The following IMMP2L variants were observed in gnomAD, a reference collection of about 807,000 sequenced individuals.
IMMP2L encodes mitochondrial inner membrane protease subunit 2.
Under a neutral mutation model 19.3 loss-of-function variants are expected in IMMP2L, and 18 were observed. That is an observed-to-expected ratio of 0.93 (90% CI 0.64 to 1.38). IMMP2L has a LOEUF of 1.38. IMMP2L is among the 40% of genes most tolerant of loss of function. The pLI is 0.00. For synonymous variants in IMMP2L, 76 were observed against 73.0 expected (o/e 1.04, Z -0.21); for missense variants, 233 against 218.2 (o/e 1.07, Z -0.43).
chr7:111,322,413 T>C lies in IMMP2L; in HGVS notation c.239+164825A>G, dbSNP rs574258763. Among the ~76,000 whole-genome samples the C allele has an allele frequency of 2.4e-4, 36 of 151,970 alleles. 1 individual carries two copies. In the South Asian group the frequency reaches 7.3e-3, roughly 31 times the overall value. On this transcript the variant is annotated intron_variant, in intron 3 of 5. Coordinates refer to ENST00000405709, the MANE Select transcript of IMMP2L (RefSeq NM_032549.4). ...CACAAGCATAATATCAGCATAATAT[T>C]ATACTGAATTGTACAGACAGAACCA...
chr7:110,668,068 TA>T lies in IMMP2L; in HGVS notation c.409-4348del. Among the ~76,000 whole-genome samples the T allele has an allele frequency of 3.9e-5, 6 of 152,294 alleles. No individual in the cohort carries two copies. In the South Asian group the frequency reaches 1.2e-3, roughly 32 times the overall value. On this transcript the variant is annotated intron_variant, in intron 5 of 5. Coordinates refer to ENST00000405709, the MANE Select transcript of IMMP2L (RefSeq NM_032549.4). Reference sequence around the variant, plus strand: ...CTTTTACTCTCAACAATATATCCTGTAAGCTACCTCTATTACTTCATAGAAA... The same window carrying T: ...CTTTTACTCTCAACAATATATCCTGTAGCTACCTCTATTACTTCATAGAAA...
intron 3 of IMMP2L, among the ~76,000 whole-genome samples, chr7:111,169,079 A>G (rs1448980673): frequency 1.3e-5 from 2 of 151,934 alleles, no homozygotes; most frequent in Non-Finnish European, 2.9e-5. Flanking sequence ...ATTTGCAAAA[A>G]CAGCAATCAT....
chr7:111,094,188 A>G (rs1289279045), intron 3 of IMMP2L, among the ~76,000 whole-genome samples: 1 of 152,058 alleles, frequency 6.6e-6, no homozygotes, highest in Non-Finnish European at 1.5e-5. Flanking sequence ...ACATGGCACT[A>G]TGGTATTTAT....
chr7:110,712,001 C>G (rs1488095335), intron 5 of IMMP2L, among the ~76,000 whole-genome samples: 1 of 35,286 alleles, frequency 2.8e-5, no homozygotes, highest in South Asian at 8.9e-4. Flanking sequence ...AAGCCTTCTT[C>G]TCTCAGCTCG....
At chr7:111,526,898 A>T (rs1339545454) in intron 1 of IMMP2L, among the ~76,000 whole-genome samples, 1 of 152,170 alleles carries the variant, frequency 6.6e-6, no homozygotes, top group Non-Finnish European at 1.5e-5. Context: ...TATCTTAGTT[A>T]TAAGGTAGTA....
At chr7:110,723,920 T>C (rs1795733050) in intron 5 of IMMP2L, among the ~76,000 whole-genome samples, 1 of 148,328 alleles carries the variant, frequency 6.7e-6, no homozygotes, top group South Asian at 2.1e-4. Context: ...AGAAGGGAAA[T>C]ATTGCTAAGA....
intron 3 of IMMP2L, among the ~76,000 whole-genome samples, chr7:111,469,925 G>C (rs1585233970): frequency 6.6e-6 from 1 of 152,096 alleles, no homozygotes; most frequent in East Asian, 1.9e-4. Flanking sequence ...ACTACCATCA[G>C]AGTCAACAGG....
chr7:110,915,053 CAG>C, intron 4 of IMMP2L, among the ~76,000 whole-genome samples: 2 of 145,576 alleles, frequency 1.4e-5, no homozygotes, highest in Admixed American at 1.4e-4. Flanking sequence ...AAATTAACAA[CAG>C]AACTATCAAA....
intron 1 of IMMP2L, among the ~76,000 whole-genome samples, chr7:111,524,427 A>G (rs1465007472): frequency 1.3e-5 from 2 of 152,106 alleles, no homozygotes; most frequent in African/African-American, 2.4e-5. Flanking sequence ...TGATAGCTTC[A>G]AAGTTATTTT....
At chr7:111,201,755 T>TA (rs1329289868) in intron 3 of IMMP2L, among the ~76,000 whole-genome samples, 1 of 151,440 alleles carries the variant, frequency 6.6e-6, no homozygotes, top group Non-Finnish European at 1.5e-5. Flanking sequence ...ATGAGGTTTC[T>TA]AAGAGCTGAT....
At chr7:111,328,579 G>C (rs1333981447) in intron 3 of IMMP2L, among the ~76,000 whole-genome samples, 3 of 151,900 alleles carry the variant, frequency 2.0e-5, no homozygotes, top group Non-Finnish European at 4.4e-5. Flanking sequence ...GCAAGGCTTA[G>C]AATTAGTTAT....
intron 2 of IMMP2L, among the ~76,000 whole-genome samples, chr7:111,502,604 A>G (rs199619239): frequency 1.3e-5 from 2 of 151,848 alleles, no homozygotes; most frequent in Non-Finnish European, 1.5e-5. Flanking sequence ...AAAAAACAGA[A>G]ATTATAACAA....
intron 3 of IMMP2L, among the ~76,000 whole-genome samples, chr7:111,033,952 C>G (rs1327635164): frequency 6.6e-6 from 1 of 152,016 alleles, no homozygotes; most frequent in African/African-American, 2.4e-5. Flanking sequence ...TGAGAATAAA[C>G]TATAGTGACA....
chr7:110,832,069 C>A (rs996105139), intron 5 of IMMP2L, among the ~76,000 whole-genome samples: 1 of 152,138 alleles, frequency 6.6e-6, no homozygotes, highest in Non-Finnish European at 1.5e-5. Context: ...CAAGACTACC[C>A]TGGCCAACGT....
At chr7:110,991,332 T>C (rs938211458) in intron 3 of IMMP2L, among the ~76,000 whole-genome samples, 1 of 152,172 alleles carries the variant, frequency 6.6e-6, no homozygotes, top group Admixed American at 6.6e-5. Context: ...CCGATTAACA[T>C]GTTCAACATT....
chr7:110,891,486 C>G (rs1810793133), intron 4 of IMMP2L, among the ~76,000 whole-genome samples: 1 of 152,130 alleles, frequency 6.6e-6, no homozygotes, highest in African/African-American at 2.4e-5. Flanking sequence ...ATAGATAAAT[C>G]CCAGCTGACA....
intron 4 of IMMP2L, among the ~76,000 whole-genome samples, chr7:110,917,982 T>C (rs1813811842): frequency 6.6e-6 from 1 of 152,188 alleles, no homozygotes; most frequent in Admixed American, 6.5e-5. Context: ...GTCAGTCCCT[T>C]CTTATAATAT....
At chr7:111,122,764 A>G (rs1318353655) in intron 3 of IMMP2L, 2 of 1,603,678 alleles carry the variant, frequency 1.2e-6, no homozygotes, top group Admixed American at 3.4e-5. Flanking sequence ...TCTGAAGAAG[A>G]AAGCTAAGAT....
intron 3 of IMMP2L, among the ~76,000 whole-genome samples, chr7:111,313,198 T>G (rs1304517335): frequency 2.0e-5 from 3 of 152,118 alleles, no homozygotes; most frequent in Non-Finnish European, 4.4e-5. Flanking sequence ...AGAGGTCACC[T>G]TCAGTATCCT....
Sources: gnomAD v4.1 joint callset for allele counts (sites outside exome capture counted in the v4.1 genomes callset) on GRCh38, gnomAD v4.1.1 for gene constraint, MANE v1.5 for transcripts, NCBI Gene and HGNC (gene_info 2026-07-23, HGNC 2026-07-21) for gene names.